The following DLGAP1 variants were observed in gnomAD, a reference collection of about 807,000 sequenced individuals.
The protein encoded by DLGAP1 is disks large-associated protein 1.
DLGAP1 carries 11 observed loss-of-function variants against 90.8 expected under a neutral mutation model. The observed-to-expected ratio is 0.12, with a 90% CI of 0.08 to 0.20. DLGAP1 has a LOEUF of 0.20. Among genes scored for constraint, DLGAP1 ranks in the 10% least tolerant of loss-of-function variants. The pLI, the probability that DLGAP1 is intolerant of heterozygous loss-of-function variation, is 1.00. For missense variants in DLGAP1, 1,050 were observed against 1,333.8 expected (o/e 0.79, Z 3.31); for synonymous variants, 558 against 540.7 (o/e 1.03, Z -0.44).
chr18:3,725,761 C>G (rs1316575464), intron 7 of DLGAP1, among the ~76,000 whole-genome samples: 1 of 152,160 alleles, frequency 6.6e-6, no homozygotes, highest in Non-Finnish European at 1.5e-5. Context: ...GGAAGCATAA[C>G]TTTAAGTTCC....
chr18:3,630,489 C>T (rs28673743), intron 7 of DLGAP1, among the ~76,000 whole-genome samples: 36,134 of 152,026 alleles, frequency 0.24, 6,063 homozygotes, highest in African/African-American at 0.48. Flanking sequence ...CCCCAATTCC[C>T]TATAATAAAT....
chr18:3,776,626 T>C (rs6417024), intron 5 of DLGAP1, among the ~76,000 whole-genome samples: 81,451 of 152,018 alleles, frequency 0.54, 22,639 homozygotes, highest in African/African-American at 0.69. Context: ...CTGCCTTCCC[T>C]GCGCCAGTGC....
At chr18:3,726,570 C>A (rs981412297) in intron 7 of DLGAP1, among the ~76,000 whole-genome samples, 2 of 152,108 alleles carry the variant, frequency 1.3e-5, no homozygotes, top group Non-Finnish European at 2.9e-5. Flanking sequence ...AAATCCATGT[C>A]ACAGAGAAAC....
chr18:4,421,460 C>T (rs926170350), intron 1 of DLGAP1, among the ~76,000 whole-genome samples: 39 of 152,182 alleles, frequency 2.6e-4, no homozygotes, highest in East Asian at 9.7e-4. Context: ...TCTTGCCGTA[C>T]GAGTTGCTAT....
intron 6 of DLGAP1, among the ~76,000 whole-genome samples, chr18:3,731,520 G>A (rs1032962597): frequency 6.0e-5 from 9 of 150,532 alleles, no homozygotes; most frequent in African/African-American, 1.5e-4. Flanking sequence ...CAATCCTCCC[G>A]ACTCATTTTC....
chr18:4,398,514 T>C lies in DLGAP1; in HGVS notation c.-267+56492A>G, dbSNP rs149549514. Among the ~76,000 whole-genome samples, 215 of 152,350 alleles carry C rather than the reference T, an allele frequency of 1.4e-3. 1 individual carries two copies. The highest frequency in any genetic ancestry group is 5.0e-3 in the African/African-American group (207 of 41,588). On this transcript the variant is annotated intron_variant, in intron 1 of 12. Coordinates refer to ENST00000315677, the MANE Select transcript of DLGAP1 (RefSeq NM_004746.4). ...ACAAATTGTTTACCAACTCTCAGTG[T>C]AGCAGACCCGCAGTGTCTATTAACT...
At chr18:3,592,629 A>G (rs532712211) in intron 7 of DLGAP1, among the ~76,000 whole-genome samples, 1 of 152,150 alleles carries the variant, frequency 6.6e-6, no homozygotes, top group Admixed American at 6.6e-5. Context: ...GCTTTAGCCC[A>G]GGTGTTGGAG....
intron 1 of DLGAP1, among the ~76,000 whole-genome samples, chr18:4,350,062 GCA>G (rs1394972944): frequency 6.6e-6 from 1 of 152,128 alleles, no homozygotes; most frequent in Non-Finnish European, 1.5e-5. Context: ...TTCTGAGATT[GCA>G]CTTCTTCATA....
intron 3 of DLGAP1, among the ~76,000 whole-genome samples, chr18:3,918,648 T>C (rs977496900): frequency 1.3e-5 from 2 of 152,138 alleles, no homozygotes; most frequent in African/African-American, 2.4e-5. Context: ...TTTCTACCTG[T>C]GTTATGGGTT....
At chr18:4,214,358 G>A (rs894771119) in intron 1 of DLGAP1, among the ~76,000 whole-genome samples, 8 of 151,456 alleles carry the variant, frequency 5.3e-5, no homozygotes, top group East Asian at 2.0e-4. Context: ...AAAACCCTGC[G>A]TTTAACTCTG....
At chr18:3,972,911 C>A (rs1056606721) in intron 3 of DLGAP1, among the ~76,000 whole-genome samples, 1 of 152,174 alleles carries the variant, frequency 6.6e-6, no homozygotes, top group African/African-American at 2.4e-5. Context: ...AAGAATAAGC[C>A]CATAGGGCAG....
intron 5 of DLGAP1, among the ~76,000 whole-genome samples, chr18:3,797,074 C>CT (rs1332083191): frequency 6.6e-6 from 1 of 152,176 alleles, no homozygotes; most frequent in Non-Finnish European, 1.5e-5. Flanking sequence ...TGGCTCCTGC[C>CT]TGTAATCCCA....
intron 9 of DLGAP1, among the ~76,000 whole-genome samples, chr18:3,544,112 G>A (rs1022318813): frequency 2.6e-5 from 4 of 152,132 alleles, no homozygotes; most frequent in Non-Finnish European, 4.4e-5. Context: ...AAAGTAGGCC[G>A]GGCACGGTGG....
intron 7 of DLGAP1, among the ~76,000 whole-genome samples, chr18:3,679,150 G>GC (rs2060418494): frequency 6.6e-6 from 1 of 151,908 alleles, no homozygotes; most frequent in South Asian, 2.1e-4. Context: ...GATCAACAAG[G>GC]CCCCCGTGTC....
In DLGAP1 at chr18:3,711,560, C is replaced by T. The variant is rs1339274123; in HGVS notation, c.1591+17575G>A. Among the ~76,000 whole-genome samples, 7 of 152,290 alleles carry T rather than the reference C, an allele frequency of 4.6e-5. No individual in the cohort carries two copies. The highest frequency in any genetic ancestry group is 1.9e-4 in the East Asian group (1 of 5,186). On this transcript the variant is annotated intron_variant, in intron 7 of 12. Transcript: ENST00000315677. This position sits in a 1 kb window ranked among gnomAD's most constrained non-coding sequence, Gnocchi z 4.0. ...GTGAGGAATAAGACAGAAATCCAGC[C>T]GGGTGTGGTGGCTCATGCTTCTAAT...
chr18:4,014,006 CGTATACTTG>C (rs1034054731), intron 2 of DLGAP1: 2 of 151,564 alleles, frequency 1.3e-5, no homozygotes, highest in African/African-American at 4.9e-5. Flanking sequence ...AAATCAATAC[CGTATACTTG>C]GTATAGTTGG....
Position 3,531,812 on chromosome 18 carries a change from A to G in DLGAP1, c.2479+2382T>C, listed in dbSNP as rs185940086. Among the ~76,000 whole-genome samples the G allele has an allele frequency of 8.3e-4, 126 of 152,130 alleles. 1 individual carries two copies. In the East Asian group the frequency reaches 0.017, roughly 20 times the overall value. On this transcript the variant is annotated intron_variant, in intron 10 of 12. Transcript: ENST00000315677. Reference sequence around the variant, plus strand: ...ATTATACATATAAAAAATGTTTTCTATAAGTGTGAGCTACATAGGGAAGTG... The same window carrying G: ...ATTATACATATAAAAAATGTTTTCTGTAAGTGTGAGCTACATAGGGAAGTG...
chr18:4,077,892 G>T (rs186510322), intron 2 of DLGAP1, among the ~76,000 whole-genome samples: 12 of 152,116 alleles, frequency 7.9e-5, no homozygotes, highest in South Asian at 2.1e-4. Flanking sequence ...GAAGGCACTC[G>T]GTACTCAAGA....
chr18:3,677,247 C>G (rs1176019892), intron 7 of DLGAP1, among the ~76,000 whole-genome samples: 1 of 152,230 alleles, frequency 6.6e-6, no homozygotes, highest in Non-Finnish European at 1.5e-5. Context: ...CCTTTGATAA[C>G]TATCCCTTTA....
Sources: allele counts gnomAD v4.1 joint callset (sites outside exome capture counted in the v4.1 genomes callset), GRCh38; gene constraint gnomAD v4.1.1; non-coding constraint Gnocchi (gnomAD v3.1); transcripts MANE v1.5; gene names NCBI Gene and HGNC (gene_info 2026-07-23, HGNC 2026-07-21).